Variants in DACH2 observed in about 807,000 individuals in gnomAD.
The protein encoded by DACH2 is dachshund family transcription factor 2, also known as dachshund homolog 2.
In DACH2, 17 loss-of-function variants were observed where a neutral mutation model predicts 35.8. The observed-to-expected ratio is 0.48, with a 90% CI of 0.33 to 0.71. DACH2 has a LOEUF of 0.71. Among genes scored for constraint, DACH2 ranks in the 30% least tolerant of loss-of-function variants. The pLI is 0.02. For missense variants in DACH2, 469 were observed against 472.7 expected, an observed-to-expected ratio of 0.99 and a Z score of 0.07; for synonymous variants, 195 against 177.3, an observed-to-expected ratio of 1.10 and a Z score of -0.79.
chrX:86,556,769 T>C (rs1334717961), intron 3 of DACH2, among the ~76,000 whole-genome samples: 2 of 22,808 alleles, frequency 8.8e-5, no homozygotes, highest in African/African-American at 3.4e-4. Context: ...TATATATATA[T>C]ATATATATAT....
chrX:86,449,679 T>G (rs976716720), intron 2 of DACH2, among the ~76,000 whole-genome samples: 1 of 111,305 alleles, frequency 9.0e-6, no homozygotes, highest in African/African-American at 3.3e-5. Flanking sequence ...TGCTTCATTG[T>G]TACCATGAGG....
At chrX:86,556,759 TATATATATA>T (rs2039126820) in intron 3 of DACH2, among the ~76,000 whole-genome samples, 3 of 9,074 alleles carry the variant, frequency 3.3e-4, no homozygotes, top group Non-Finnish European at 6.1e-4. Flanking sequence ...AGGATATGTA[TATATATATA>T]TATATATATA....
intron 4 of DACH2, among the ~76,000 whole-genome samples, chrX:86,684,663 T>A (rs2040921126): frequency 9.0e-6 from 1 of 110,919 alleles, no homozygotes; most frequent in Admixed American, 9.7e-5. Context: ...TTTTTCATCT[T>A]CTTAGTTGAT....
intron 2 of DACH2, among the ~76,000 whole-genome samples, chrX:86,498,247 T>C (rs1163748432): frequency 1.8e-5 from 2 of 111,608 alleles, no homozygotes; most frequent in Non-Finnish European, 3.8e-5. Flanking sequence ...CTTAAGCATA[T>C]CATGTATTAA....
intron 1 of DACH2, among the ~76,000 whole-genome samples, chrX:86,358,219 T>A (rs902680464): frequency 2.7e-5 from 3 of 111,336 alleles, no homozygotes; most frequent in African/African-American, 9.8e-5. Context: ...TCATTAGAAA[T>A]AATTCTGTCT....
chrX:86,447,077 G>A (rs1330467824), intron 2 of DACH2, among the ~76,000 whole-genome samples: 2 of 86,564 alleles, frequency 2.3e-5, no homozygotes, highest in Non-Finnish European at 4.5e-5. Context: ...GTGTTTTTTG[G>A]CTGCATAAAT....
At chrX:86,651,004 A>T in intron 3 of DACH2, 32 bp from the exon 4 acceptor site, 1 of 1,119,868 alleles carries the variant, frequency 8.9e-7, no homozygotes, top group East Asian at 3.4e-5. Flanking sequence ...TAATATAAAT[A>T]AATAAATGGA....
At chrX:86,607,609 T>G (rs1569451576) in intron 3 of DACH2, among the ~76,000 whole-genome samples, 1 of 110,450 alleles carries the variant, frequency 9.1e-6, no homozygotes, top group African/African-American at 3.3e-5. Context: ...TTATTATTAT[T>G]ATACTTTAAG....
At chrX:86,296,982 G>A (rs73516078) in intron 1 of DACH2, among the ~76,000 whole-genome samples, 2,706 of 105,216 alleles carry the variant, frequency 0.026, 101 homozygotes, top group African/African-American at 0.09. Context: ...GCAAACATAC[G>A]TTTTCTGGCT....
At chrX:86,713,740 T>C (rs1358115905) in intron 5 of DACH2, among the ~76,000 whole-genome samples, 2 of 111,596 alleles carry the variant, frequency 1.8e-5, no homozygotes, top group Non-Finnish European at 3.8e-5. Context: ...TTTCAGCCTA[T>C]TAAGGGATAA....
chrX:86,217,146 A>AT (rs2032595007), intron 1 of DACH2, among the ~76,000 whole-genome samples: 1 of 109,505 alleles, frequency 9.1e-6, no homozygotes, highest in African/African-American at 3.3e-5. Context: ...ATAGGGACTC[A>AT]TTTTTTTTCA....
Position 86,556,785 on chromosome X carries a change from TATATATATATAGAGAG to T in DACH2, c.640+42396_640+42411del, listed in dbSNP as rs59175851. 9.3e-3 allele frequency among the ~76,000 whole-genome samples: 436 copies of T among 47,067 alleles called. 4 individuals carry two copies. Among genetic ancestry groups the T allele is most frequent in the African/African-American group, 0.036 (406 of 11,387 alleles). The allele number at this position is 47,067 out of a possible 115,157, so 40.9% of individuals were successfully genotyped here. A position where few individuals can be genotyped will look rare whatever the true frequency, so the allele number is the denominator to read the frequency against. On this transcript the variant is annotated intron_variant, in intron 3 of 11. Coordinates refer to ENST00000373125, the MANE Select transcript of DACH2 (RefSeq NM_053281.3). ...ATATATATATATATATATATATATA[TATATATATATAGAGAG>T]AGAGAGAGAGAGAGAGAGAGAGAGA... is the stretch of plus-strand genomic sequence containing the variant.
intron 2 of DACH2, among the ~76,000 whole-genome samples, chrX:86,444,376 C>T (rs928951202): frequency 4.5e-5 from 5 of 111,911 alleles, no homozygotes; most frequent in Non-Finnish European, 7.5e-5. Flanking sequence ...AGGCTTGAGC[C>T]ATCGTGTGTG....
chrX:86,326,001 A>G (rs1458786461), intron 1 of DACH2, among the ~76,000 whole-genome samples: 2 of 110,932 alleles, frequency 1.8e-5, no homozygotes, highest in Non-Finnish European at 3.8e-5. Flanking sequence ...ACTTCACTAA[A>G]TATTGTATGT....
intron 1 of DACH2, among the ~76,000 whole-genome samples, chrX:86,174,097 G>A (rs1364979865): frequency 9.3e-6 from 1 of 107,057 alleles, no homozygotes; most frequent in Non-Finnish European, 1.9e-5. Flanking sequence ...TAGGTCAGGT[G>A]GCAGAGTTCA....
chrX:86,273,504 C>G (rs1244652045), intron 1 of DACH2, among the ~76,000 whole-genome samples: 3 of 112,006 alleles, frequency 2.7e-5, no homozygotes, highest in Non-Finnish European at 5.6e-5. Context: ...CCACTGGTTC[C>G]TAACAAGAAT....
At chrX:86,434,769 A>G (rs2037040129) in intron 2 of DACH2, among the ~76,000 whole-genome samples, 1 of 111,764 alleles carries the variant, frequency 8.9e-6, no homozygotes, top group African/African-American at 3.3e-5. Context: ...ATTTTTAGAG[A>G]AAATAAGTTT....
At chrX:86,453,676 T>G (rs1000001044) in intron 2 of DACH2, among the ~76,000 whole-genome samples, 1 of 111,391 alleles carries the variant, frequency 9.0e-6, no homozygotes, top group Non-Finnish European at 1.9e-5. Flanking sequence ...GTAAATTTTT[T>G]TATTTCTTTA....
chrX:86,804,337 G>C (rs1327020297), intron 7 of DACH2, among the ~76,000 whole-genome samples: 1 of 111,410 alleles, frequency 9.0e-6, no homozygotes, highest in Non-Finnish European at 1.9e-5. Flanking sequence ...ACTATCATGA[G>C]AACCGCACCA....
Sources: gnomAD v4.1 joint callset for allele counts (sites outside exome capture counted in the v4.1 genomes callset) on GRCh38, gnomAD v4.1.1 for gene constraint, MANE v1.5 for transcripts, NCBI Gene and HGNC (gene_info 2026-07-23, HGNC 2026-07-21) for gene names.